The following SOX5 variants were observed in gnomAD, a reference collection of about 807,000 sequenced individuals.
SOX5 encodes transcription factor SOX-5.
In SOX5, 9 loss-of-function variants were observed where a neutral mutation model predicts 92.0. The observed-to-expected ratio is 0.10, with a 90% confidence interval of 0.06 to 0.17. The LOEUF is 0.17. SOX5 is among the 10% of genes least tolerant of loss of function. The probability of loss-of-function intolerance (pLI) is 1.00; values close to 1 mark genes in which losing one functional copy is unlikely to be tolerated. For synonymous variants in SOX5, 344 were observed against 336.3 expected, an observed-to-expected ratio of 1.02 and a Z score of -0.25; for missense variants, 642 against 944.5, an observed-to-expected ratio of 0.68 and a Z score of 4.20.
At chr12:23,923,271 T>A (rs776001333) in intron 1 of SOX5, among the ~76,000 whole-genome samples, 2 of 148,396 alleles carry the variant, frequency 1.3e-5, no homozygotes, top group Admixed American at 6.9e-5. Flanking sequence ...TCTTAAAGGA[T>A]GAGGTTAAAC....
chr12:24,074,688 A>G (rs951248923), intron 4 of SOX5, among the ~76,000 whole-genome samples: 4 of 147,490 alleles, frequency 2.7e-5, no homozygotes, highest in Non-Finnish European at 6.0e-5. Flanking sequence ...ATTTTTTCAC[A>G]TGAACAAAAT....
intron 4 of SOX5, among the ~76,000 whole-genome samples, chr12:23,961,400 T>C (rs951868732): frequency 6.6e-6 from 1 of 152,098 alleles, no homozygotes. Context: ...CAGCCTCATC[T>C]CTCCCTACAT....
chr12:23,551,592 C>T (rs1944234264), intron 11 of SOX5, among the ~76,000 whole-genome samples: 2 of 151,862 alleles, frequency 1.3e-5, no homozygotes, highest in South Asian at 2.1e-4. Flanking sequence ...ATTTTACCTC[C>T]ATCAAGTATG....
chr12:23,845,877 C>T, intron 3 of SOX5, 106 bp downstream of exon 3: 1 of 919,472 alleles, frequency 1.1e-6, no homozygotes, highest in Non-Finnish European at 1.7e-6. Flanking sequence ...TCCATCTTGC[C>T]CAATTTAACT....
At chr12:24,429,009 G>A (rs1394706878) in intron 1 of SOX5, among the ~76,000 whole-genome samples, 1 of 151,974 alleles carries the variant, frequency 6.6e-6, no homozygotes, top group African/African-American at 2.4e-5. Context: ...AATTAAGTCA[G>A]TAGGCATAAA....
intron 9 of SOX5, among the ~76,000 whole-genome samples, chr12:23,600,870 C>G (rs978191772): frequency 6.6e-6 from 1 of 152,028 alleles, no homozygotes; most frequent in Non-Finnish European, 1.5e-5. Context: ...CAGTACAGCA[C>G]TCGTATAACA....
intron 4 of SOX5, among the ~76,000 whole-genome samples, chr12:24,106,791 A>T (rs994085687): frequency 6.5e-5 from 9 of 137,476 alleles, no homozygotes; most frequent in African/African-American, 2.5e-4. Flanking sequence ...GACTCGTCTC[A>T]AATAATAATA....
chr12:24,137,605 C>A, intron 4 of SOX5, among the ~76,000 whole-genome samples: 1 of 152,110 alleles, frequency 6.6e-6, no homozygotes, highest in East Asian at 1.9e-4. Flanking sequence ...GCAATCCTGC[C>A]TGGCGACAGA....
intron 4 of SOX5, among the ~76,000 whole-genome samples, chr12:24,045,466 T>C (rs1394711571): frequency 1.3e-5 from 2 of 152,074 alleles, no homozygotes; most frequent in South Asian, 4.2e-4. Flanking sequence ...CCCAGCTAAT[T>C]TTTAAATTTT....
Position 24,026,490 on chromosome 12 carries a change from C to T in SOX5, c.-1-130466G>A, listed in dbSNP as rs560337691. 8.6e-5 allele frequency among the ~76,000 whole-genome samples: 13 copies of T among 150,834 alleles called. No homozygotes were observed. In the East Asian group the frequency reaches 2.5e-3, roughly 30 times the overall value. On this transcript the variant is annotated intron_variant, in intron 4 of 4. Transcript: ENST00000446891. ...TGTGGTCAGGTGTGGTGGCTCACAT[C>T]TGTAATCCTAGTACTTTGGGAGGCC...
At chr12:23,990,217 T>G (rs1950440450) in intron 4 of SOX5, among the ~76,000 whole-genome samples, 1 of 152,170 alleles carries the variant, frequency 6.6e-6, no homozygotes, top group South Asian at 2.1e-4. Context: ...CTTATTTTCA[T>G]CTGGTCCATC....
At chr12:24,426,537 A>G (rs1387199835) in intron 1 of SOX5, among the ~76,000 whole-genome samples, 1 of 152,252 alleles carries the variant, frequency 6.6e-6, no homozygotes, top group Admixed American at 6.5e-5. Flanking sequence ...ACTCACATTT[A>G]TCATTGAAGG....
At chr12:23,762,565 CTTGT>C (rs1297940690) in intron 3 of SOX5, 5 of 556,660 alleles carry the variant, frequency 9.0e-6, no homozygotes. Flanking sequence ...TGCCAAAATA[CTTGT>C]TTGTTTCCAC....
At chr12:24,344,420 T>A (rs1173198729) in intron 2 of SOX5, among the ~76,000 whole-genome samples, 1 of 151,792 alleles carries the variant, frequency 6.6e-6, no homozygotes, top group Non-Finnish European at 1.5e-5. Context: ...CTGACACAGA[T>A]GGGAACAACG....
chr12:23,706,932 A>G (rs1465717443), intron 6 of SOX5, among the ~76,000 whole-genome samples: 1 of 152,086 alleles, frequency 6.6e-6, no homozygotes, highest in Non-Finnish European at 1.5e-5. Flanking sequence ...TAGGCAGTCT[A>G]CAACTAATAT....
At chr12:24,458,288 G>GT (rs1279864785) in intron 1 of SOX5, among the ~76,000 whole-genome samples, 2 of 152,002 alleles carry the variant, frequency 1.3e-5, no homozygotes, top group Non-Finnish European at 2.9e-5. Flanking sequence ...ATGATGAATT[G>GT]TTTTTTTACT....
intron 4 of SOX5, among the ~76,000 whole-genome samples, chr12:23,993,892 T>TGCATGC (rs1950787565): frequency 6.6e-6 from 1 of 151,110 alleles, no homozygotes. Flanking sequence ...TGTATGTATG[T>TGCATGC]ATGTATGTAT....
chr12:23,652,822 A>G (rs973232190), intron 7 of SOX5, among the ~76,000 whole-genome samples: 3 of 152,074 alleles, frequency 2.0e-5, no homozygotes, highest in Admixed American at 6.6e-5. Context: ...CTGCTAACGA[A>G]ATTCGTTCTC....
At chr12:23,572,172 G>A (rs1427142570) in intron 10 of SOX5, among the ~76,000 whole-genome samples, 2 of 152,086 alleles carry the variant, frequency 1.3e-5, no homozygotes, top group African/African-American at 2.4e-5. Context: ...TATATTTGTA[G>A]CTAATAGATA....
Sources: allele counts gnomAD v4.1 joint callset (sites outside exome capture counted in the v4.1 genomes callset), GRCh38; gene constraint gnomAD v4.1.1; transcripts MANE v1.5; gene names NCBI Gene and HGNC (gene_info 2026-07-23, HGNC 2026-07-21).